FBN1: variants seen among roughly 807,000 people sequenced by gnomAD.
FBN1 encodes the protein fibrillin-1.
Under a neutral mutation model 365.1 loss-of-function variants are expected in FBN1, and 29 were observed. That is an observed-to-expected ratio of 0.08 (90% CI 0.06 to 0.11). The LOEUF (loss-of-function observed/expected upper bound fraction) is 0.11. Among genes scored for constraint, FBN1 ranks in the 10% least tolerant of loss-of-function variants. The pLI is 1.00. For missense variants in FBN1, 2,476 were observed against 3,703.2 expected (o/e 0.67, Z 8.60); for synonymous variants, 1,210 against 1,270.5 (o/e 0.95, Z 1.01).
chr15:48,549,833 A>G lies in FBN1; in HGVS notation c.539-12025T>C, dbSNP rs192011549. 2.6e-3 allele frequency among the ~76,000 whole-genome samples: 391 copies of G among 152,244 alleles called. 1 individual carries two copies. Among genetic ancestry groups the G allele is most frequent in the African/African-American group, 8.6e-3 (357 of 41,554 alleles). On this transcript the variant is annotated intron_variant, in intron 6 of 65. Coordinates refer to ENST00000316623, the MANE Select transcript of FBN1 (RefSeq NM_000138.5). ...AACTCTCCTAGTTAGTGACACAAGC[A>G]CAGACAAAAAAACGACTCCAGTTCT...
Position 48,411,398 on chromosome 15 carries a change from A to C in FBN1, c.8227-19T>G. 1.2e-6 allele frequency: 2 copies of C among 1,611,330 alleles called. No individual in the cohort carries two copies. Among genetic ancestry groups the C allele is most frequent in the Non-Finnish European group, 1.7e-6 (2 of 1,178,210 alleles). ...ACTGATCCTGGAAAGACACATGGCA[A>C]TATGTTAAATACAATGTACATATGC... On this transcript the variant is annotated intron_variant, in intron 65 of 65. Transcript: ENST00000316623.
intron 15 of FBN1, 28 bp downstream of exon 15, chr15:48,508,554 A>T: frequency 6.2e-7 from 1 of 1,613,556 alleles, no homozygotes. Context: ...CACGTGAAGA[A>T]CATGATCTAG....
In FBN1 at chr15:48,440,900, G is replaced by GAA. The variant is rs796766783; in HGVS notation, c.6163+819_6163+820dup. Among the ~76,000 whole-genome samples the GAA allele has an allele frequency of 0.02, 2,761 of 141,470 alleles. 192 individuals carry two copies. In the East Asian group the frequency reaches 0.23, roughly 12 times the overall value. The allele number at this position is 141,470 out of a possible 152,430, so 92.8% of individuals were successfully genotyped here. On this transcript the variant is annotated intron_variant, in intron 50 of 65. Coordinates refer to ENST00000316623, the MANE Select transcript of FBN1 (RefSeq NM_000138.5). ...TACGGAAGCAAAACCAAAAAACCAT[G>GAA]AAAAAAAAAAAAAACCCAACTCAAC...
In FBN1 at chr15:48,537,621, T is replaced by G; in HGVS notation, c.726A>C (p.Gly242=). ...TCAGCCCGGGTTTACCTTGACAAGCTCCCGTGCGGATATTTGGAATGAAGC... is the reference window on the plus strand; with the variant it reads ...TCAGCCCGGGTTTACCTTGACAAGCGCCCGTGCGGATATTTGGAATGAAGC... ...RRGFIPNIRT[G]ACQDVDECQA... is the part of the protein sequence containing the mutation. The change falls in exon 7 of 66, where the codon GGA becomes GGC. Residue 242 remains glycine (G), a synonymous_variant. Transcript: ENST00000316623. The G allele has an allele frequency of 6.2e-7, 1 of 1,614,140 alleles. No individual in the cohort carries two copies. Among genetic ancestry groups the G allele is most frequent in the Non-Finnish European group, 8.5e-7 (1 of 1,180,012 alleles).
intron 64 of FBN1, among the ~76,000 whole-genome samples, chr15:48,414,685 C>T (rs2042888090): frequency 6.6e-6 from 1 of 152,020 alleles, no homozygotes; most frequent in Non-Finnish European, 1.5e-5. Flanking sequence ...TCACGAGGTC[C>T]GGAGATCGAG....
intron 6 of FBN1, among the ~76,000 whole-genome samples, chr15:48,544,156 T>C (rs962707666): frequency 3.9e-5 from 6 of 152,128 alleles, no homozygotes; most frequent in African/African-American, 1.2e-4. Flanking sequence ...AGGCCTACTT[T>C]TACTATGCAA....
Position 48,504,961 on chromosome 15 carries a change from T to C in FBN1, c.1960+64A>G, listed in dbSNP as rs113577695. On this transcript the variant is annotated intron_variant, in intron 16 of 65. Transcript: ENST00000316623. ...CTACAGTAGAGAGCGTTTGTTACCA[T>C]TGGGCTTTATTGAGTGACAGAGGCT... 5.3e-5 allele frequency: 85 copies of C among 1,607,716 alleles called. 1 individual carries two copies. The highest frequency in any genetic ancestry group is 2.5e-4 in the African/African-American group (19 of 74,898).
chr15:48,425,577 A>G, intron 59 of FBN1, 86 bp from the exon 60 acceptor site: 1 of 1,589,134 alleles, frequency 6.3e-7, no homozygotes, highest in East Asian at 2.3e-5. Context: ...GAAGAATTTT[A>G]GTTTCGGGGA....
At chr15:48,522,844 T>C (rs1044777742) in intron 9 of FBN1, among the ~76,000 whole-genome samples, 7 of 152,226 alleles carry the variant, frequency 4.6e-5, no homozygotes, top group African/African-American at 1.7e-4. Flanking sequence ...CTAGCCAGTA[T>C]AAATGTGCTT....
intron 9 of FBN1, among the ~76,000 whole-genome samples, chr15:48,521,452 G>A (rs1221524282): frequency 6.6e-6 from 1 of 152,116 alleles, no homozygotes; most frequent in Non-Finnish European, 1.5e-5. Flanking sequence ...ACTTCAAAAT[G>A]GCCCTTGATT....
rs1452931322 is a variant in FBN1 at position 48,408,445 on chromosome 15, T to C, written c.*2545A>G. 6.6e-6 allele frequency: 1 copy of C among 152,628 alleles called. No individual in the cohort carries two copies. The highest frequency in any genetic ancestry group is 1.5e-5 in the Non-Finnish European group (1 of 68,042). 9.5% of individuals were successfully genotyped at this position (152,628 alleles called of 1,614,324 possible). ...TGCTATTTGTTGAACAAAAATGTAG[T>C]TGTTTGTGCAAGTTTAAACATTTCA... On this transcript the variant is annotated 3_prime_UTR_variant, in exon 66 of 66. Transcript: ENST00000316623.
At chr15:48,489,655 A>G (rs1435423641) in intron 25 of FBN1, among the ~76,000 whole-genome samples, 196 bp downstream of exon 25, 1 of 152,174 alleles carries the variant, frequency 6.6e-6, no homozygotes, top group Non-Finnish European at 1.5e-5. Context: ...CATACAGAAC[A>G]ATTTTAACCC....
chr15:48,639,237 C>A (rs190238817), intron 2 of FBN1, among the ~76,000 whole-genome samples: 2 of 152,236 alleles, frequency 1.3e-5, no homozygotes, highest in African/African-American at 2.4e-5. Flanking sequence ...CTCTGCATAC[C>A]TCGGCTCTCA....
chr15:48,509,624 A>G (rs1458985665), intron 14 of FBN1, among the ~76,000 whole-genome samples: 1 of 150,528 alleles, frequency 6.6e-6, no homozygotes, highest in Admixed American at 6.6e-5. Context: ...TTTTTACATT[A>G]TATCTATTTT....
Position 48,441,763 on chromosome 15 carries a change from G to A in FBN1, c.6121C>T (p.Pro2041Ser). The stretch of plus-strand genomic sequence containing the variant: ...CTGGAGGACAAGGAAAACCCTTCTG[G>A]ACACAGACATTTGAAGCTGCCTTCA... Reference protein sequence around the residue: ...NTEGSFKCLCPEGFSLSSSGR... With the variant: ...NTEGSFKCLCSEGFSLSSSGR... Residue 2041 changes from proline (P) to serine (S), a missense_variant, in exon 50 of 66, where the codon CCA becomes TCA. Transcript: ENST00000316623. 1 of 1,613,702 alleles carries A rather than the reference G, an allele frequency of 6.2e-7. No homozygotes were observed. The highest frequency in any genetic ancestry group is 8.5e-7 in the Non-Finnish European group (1 of 1,179,706).
chr15:48,619,110 T>C (rs1204013039), intron 2 of FBN1, among the ~76,000 whole-genome samples: 3 of 152,076 alleles, frequency 2.0e-5, no homozygotes, highest in African/African-American at 7.2e-5. Context: ...CGTGGAAAAG[T>C]TATGTTCCAC....
intron 6 of FBN1, among the ~76,000 whole-genome samples, chr15:48,580,193 A>C (rs951072159): frequency 1.3e-5 from 2 of 152,214 alleles, no homozygotes; most frequent in Non-Finnish European, 2.9e-5. Flanking sequence ...TCAAAGAAGA[A>C]TATACAGTCA....
intron 35 of FBN1, 135 bp from the exon 36 acceptor site, chr15:48,470,891 A>G (rs911974153): frequency 1.0e-6 from 1 of 1,001,936 alleles, no homozygotes; most frequent in Non-Finnish European, 1.5e-6. Flanking sequence ...CACTTCTCCT[A>G]TAGACTTTTA....
rs748602003 is a variant in FBN1 at position 48,638,974 on chromosome 15, G to A, written c.164+5632C>T. On this transcript the variant is annotated intron_variant, in intron 2 of 65. Transcript: ENST00000316623. ...TAATACGCTGTCCAAAGTCCCACTG[G>A]CTCTAACATCCTATGATTCTTTCTG... 2.6e-5 allele frequency among the ~76,000 whole-genome samples: 4 copies of A among 152,308 alleles called. No individual in the cohort carries two copies. In the South Asian group the frequency reaches 8.3e-4, roughly 32 times the overall value.
Sources: gnomAD v4.1 joint callset for allele counts (sites outside exome capture counted in the v4.1 genomes callset) on GRCh38, gnomAD v4.1.1 for gene constraint, MANE v1.5 for transcripts, NCBI Gene and HGNC (gene_info 2026-07-23, HGNC 2026-07-21) for gene names.